Variants in HLCS observed in about 807,000 individuals in gnomAD.
HLCS encodes biotin--protein ligase.
A neutral mutation model predicts 75.0 loss-of-function variants in HLCS; 53 were observed. The observed-to-expected ratio is 0.71, with a 90% confidence interval of 0.57 to 0.89. The LOEUF is 0.89. Among genes scored for constraint, HLCS ranks in the 40% least tolerant of loss-of-function variants. HLCS has a pLI of 0.00. For synonymous variants in HLCS, 431 were observed against 428.6 expected, an observed-to-expected ratio of 1.01 and a Z score of -0.07; for missense variants, 966 against 1,074.0, an observed-to-expected ratio of 0.90 and a Z score of 1.41.
At chr21:36,791,275 G>A (rs1042237023) in intron 6 of HLCS, among the ~76,000 whole-genome samples, 19 of 152,190 alleles carry the variant, frequency 1.2e-4, no homozygotes, top group Admixed American at 4.6e-4. Context: ...CACCCCTGCC[G>A]GAGCCGAGTA....
chr21:36,847,473 T>C (rs1288305338), intron 6 of HLCS, among the ~76,000 whole-genome samples: 1 of 152,172 alleles, frequency 6.6e-6, no homozygotes, highest in East Asian at 1.9e-4. Flanking sequence ...AGCAACTTAT[T>C]TACTATCCTA....
At chr21:36,808,646 G>A (rs1216004089) in intron 6 of HLCS, among the ~76,000 whole-genome samples, 2 of 152,028 alleles carry the variant, frequency 1.3e-5, no homozygotes, top group East Asian at 3.9e-4. Context: ...TATAATTTTT[G>A]CTTAAAATTC....
intron 2 of HLCS, 131 bp from the exon 3 acceptor site, chr21:36,939,125 T>A: frequency 1.3e-6 from 1 of 778,288 alleles, no homozygotes; most frequent in Non-Finnish European, 2.0e-6. Context: ...AACAAATTAC[T>A]GGATATTACA....
At chr21:36,931,860 A>G (rs1363995626) in intron 4 of HLCS, among the ~76,000 whole-genome samples, 1 of 152,178 alleles carries the variant, frequency 6.6e-6, no homozygotes, top group South Asian at 2.1e-4. Flanking sequence ...GGAAAAAGAA[A>G]TCACTTCCCA....
In HLCS at chr21:36,750,595, A is replaced by G. The variant is rs936298341; in HGVS notation, c.*3651T>C. On this transcript the variant is annotated 3_prime_UTR_variant, in exon 11 of 11. Transcript: ENST00000674895. ...GGCCAATGGATCTTGTATAAAGTCT[A>G]CGTAAGTTTTAATTTACCAGAGCTA... Among the ~76,000 whole-genome samples the G allele has an allele frequency of 1.3e-5, 2 of 152,126 alleles. No homozygotes were observed. The highest frequency in any genetic ancestry group is 4.8e-5 in the African/African-American group (2 of 41,414).
intron 2 of HLCS, chr21:36,946,129 T>C: frequency 1.0e-6 from 1 of 984,914 alleles, no homozygotes; most frequent in Non-Finnish European, 1.2e-6. Context: ...AGAAACCACA[T>C]CATCCCTAGT....
At position 36,873,210 on chromosome 21, in the gene HLCS, C is replaced by T. The variant is rs150193596; in HGVS notation, c.1892+23650G>A. 3.0e-3 allele frequency among the ~76,000 whole-genome samples: 457 copies of T among 152,240 alleles called. 1 individual carries two copies. The highest frequency in any genetic ancestry group is 5.1e-3 in the Non-Finnish European group (349 of 68,006). On this transcript the variant is annotated intron_variant, in intron 6 of 10. Transcript: ENST00000674895. Reference sequence around the variant, plus strand: ...TCGACTCACTGCAACCTCCACCTCCCGGGTTGAAGCGATTCTCCTGCCTCA... The same window carrying T: ...TCGACTCACTGCAACCTCCACCTCCTGGGTTGAAGCGATTCTCCTGCCTCA...
intron 1 of HLCS, among the ~76,000 whole-genome samples, chr21:36,973,227 CTTTTTT>C (rs11327894): frequency 2.2e-5 from 2 of 91,070 alleles, no homozygotes; most frequent in African/African-American, 8.4e-5. Flanking sequence ...AAGACCCTGT[CTTTTTT>C]TTTTTTTTTT....
chr21:36,830,529 A>T (rs1208928661), intron 6 of HLCS, among the ~76,000 whole-genome samples: 1 of 152,052 alleles, frequency 6.6e-6, no homozygotes, highest in African/African-American at 2.4e-5. Flanking sequence ...GACAGGTTTC[A>T]CTTTAGTAAA....
At chr21:36,800,601 T>A (rs1425110141) in intron 6 of HLCS, among the ~76,000 whole-genome samples, 1 of 152,142 alleles carries the variant, frequency 6.6e-6, no homozygotes, top group African/African-American at 2.4e-5. Flanking sequence ...TCCCACTTCA[T>A]AGGTTAAGGA....
chr21:36,950,668 C>A (rs2067630553), intron 2 of HLCS, among the ~76,000 whole-genome samples: 1 of 151,824 alleles, frequency 6.6e-6, no homozygotes, highest in Non-Finnish European at 1.5e-5. Context: ...GTAGAGACAG[C>A]ATCTTGCTAT....
intron 2 of HLCS, among the ~76,000 whole-genome samples, chr21:36,954,397 G>C (rs1440599746): frequency 6.6e-6 from 1 of 151,268 alleles, no homozygotes; most frequent in African/African-American, 2.4e-5. Flanking sequence ...GGCAGATCAC[G>C]AGGTCAGGAG....
chr21:36,839,890 T>G (rs966540730), intron 6 of HLCS, among the ~76,000 whole-genome samples: 1 of 152,220 alleles, frequency 6.6e-6, no homozygotes, highest in African/African-American at 2.4e-5. Flanking sequence ...TAACATTTAT[T>G]TCGCTGGAGG....
intron 6 of HLCS, among the ~76,000 whole-genome samples, chr21:36,769,052 T>A (rs2090141261): frequency 6.6e-6 from 1 of 152,078 alleles, no homozygotes; most frequent in African/African-American, 2.4e-5. Context: ...CGGTAGACAG[T>A]CATGGGCTAT....
At chr21:36,867,556 A>G (rs2063600562) in intron 6 of HLCS, among the ~76,000 whole-genome samples, 1 of 152,228 alleles carries the variant, frequency 6.6e-6, no homozygotes, top group East Asian at 1.9e-4. Flanking sequence ...TCACACGTTT[A>G]AGAGAAAATC....
intron 6 of HLCS, among the ~76,000 whole-genome samples, chr21:36,847,741 C>G (rs189579503): frequency 6.6e-6 from 1 of 152,244 alleles, no homozygotes; most frequent in East Asian, 1.9e-4. Context: ...TTATTGTTTT[C>G]TTCCTGTTTT....
intron 6 of HLCS, among the ~76,000 whole-genome samples, chr21:36,788,818 C>G (rs1392855531): frequency 6.6e-6 from 1 of 152,164 alleles, no homozygotes; most frequent in Non-Finnish European, 1.5e-5. Context: ...CGTGCCAGAG[C>G]TCTTTAATTG....
intron 5 of HLCS, among the ~76,000 whole-genome samples, chr21:36,899,973 TG>T (rs1480541823): frequency 2.0e-5 from 3 of 151,800 alleles, no homozygotes; most frequent in Admixed American, 6.6e-5. Flanking sequence ...TGCATCGTGG[TG>T]GGTGCCTGTA....
chr21:36,920,850 A>G (rs1185411161), intron 5 of HLCS, among the ~76,000 whole-genome samples: 1 of 152,192 alleles, frequency 6.6e-6, no homozygotes, highest in Non-Finnish European at 1.5e-5. Flanking sequence ...AAATCCTGAA[A>G]TGCATCAAGG....
Sources: gnomAD v4.1 joint callset for allele counts (sites outside exome capture counted in the v4.1 genomes callset) on GRCh38, gnomAD v4.1.1 for gene constraint, MANE v1.5 for transcripts, NCBI Gene and HGNC (gene_info 2026-07-23, HGNC 2026-07-21) for gene names.